The following SFT2D1 variants were observed in gnomAD, a reference collection of about 807,000 sequenced individuals.
The protein encoded by SFT2D1 is SFT2 domain containing 1, also known as vesicle transport protein SFT2A.
Under a neutral mutation model 28.1 loss-of-function variants are expected in SFT2D1, and 24 were observed. The observed-to-expected ratio is 0.85, with a 90% confidence interval of 0.62 to 1.20. SFT2D1 has a LOEUF of 1.20. Ranked by LOEUF, SFT2D1 falls within the 50% of genes most tolerant of loss-of-function variation. The pLI, the probability that SFT2D1 is intolerant of heterozygous loss-of-function variation, is 0.00. For synonymous variants in SFT2D1, 82 were observed against 73.7 expected (o/e 1.11, Z -0.58); for missense variants, 181 against 190.9 (o/e 0.95, Z 0.31).
chr6:166,335,526 G>T (rs1199502354), intron 1 of SFT2D1: 5 of 462,122 alleles, frequency 1.1e-5, no homozygotes, highest in African/African-American at 2.0e-5. Flanking sequence ...AGTAGCAACA[G>T]TAGCCATGGC....
rs1386125631 is a variant in SFT2D1, at chr6:166,322,829, AAAG to A, written c.440+25_440+27del. ...TGTGTGAAGATAAGTAAAGAACCAG[AAAG>A]AAGACAAGATTCAAACAAGCTTACC... On this transcript the variant is annotated intron_variant, in intron 7 of 7. Coordinates refer to ENST00000361731, the MANE Select transcript of SFT2D1 (RefSeq NM_145169.3). The A allele has an allele frequency of 2.5e-6, 4 of 1,592,734 alleles. No individual in the cohort carries two copies. The South Asian group carries it at 4.4e-5, about 18-fold the overall frequency.
intron 6 of SFT2D1, 153 bp downstream of exon 6, chr6:166,324,384 A>AG (rs1341422642): frequency 1.8e-5 from 11 of 626,642 alleles, no homozygotes; most frequent in Non-Finnish European, 2.5e-5. Context: ...CAAGTGCAAC[A>AG]GGACTCATCG....
In SFT2D1 at chr6:166,330,204, C is replaced by T; in HGVS notation, c.107G>A (p.Trp36Ter). 1 of 1,606,332 alleles carries T rather than the reference C, an allele frequency of 6.2e-7. No individual in the cohort carries two copies. Among genetic ancestry groups the T allele is most frequent in the Non-Finnish European group, 8.5e-7 (1 of 1,177,570 alleles). ...GCCACATACGAAGCAGATGGCAAAC[C>T]ATTTCAATCTGGTGTTGAAACTAAG... ...SSLSFNTRLK[W>*]FAICFVCGVF... is the part of the protein sequence containing the mutation. Residue 36 changes from tryptophan (W) to a stop codon, truncating the protein, a stop_gained, in exon 2 of 8, where the codon TGG becomes TAG. Coordinates refer to ENST00000361731, the MANE Select transcript of SFT2D1 (RefSeq NM_145169.3). LOFTEE classifies it high-confidence loss of function.
rs964943615 is a variant in SFT2D1 at position 166,325,646 on chromosome 6, T to G, written c.351+486A>C. On this transcript the variant is annotated intron_variant, in intron 5 of 7. Coordinates refer to ENST00000361731, the MANE Select transcript of SFT2D1 (RefSeq NM_145169.3). ...ACAGCGCACCCCTGCAGCAGCATGG[T>G]GGAGAGCACAGCCCCTGAGCCAGGG... Among the ~76,000 whole-genome samples, 15 of 152,340 alleles carry G rather than the reference T, an allele frequency of 9.8e-5. 1 individual carries two copies. The highest frequency in any genetic ancestry group is 2.0e-4 in the Admixed American group (3 of 15,308).
intron 2 of SFT2D1, 21 bp from the exon 3 acceptor site, chr6:166,329,610 T>C: frequency 6.5e-7 from 1 of 1,543,370 alleles, no homozygotes; most frequent in Non-Finnish European, 8.8e-7. Flanking sequence ...ATATTATAGT[T>C]ATTTTAAAAT....
intron 3 of SFT2D1, among the ~76,000 whole-genome samples, chr6:166,328,710 T>A (rs1778496786): frequency 6.6e-6 from 1 of 152,212 alleles, no homozygotes; most frequent in Admixed American, 6.5e-5. Context: ...GATCTTCCCC[T>A]TGGGGGATGC....
At chr6:166,320,315 C>T in intron 7 of SFT2D1, 59 bp from the exon 8 acceptor site, 1 of 1,402,492 alleles carries the variant, frequency 7.1e-7, no homozygotes, top group Non-Finnish European at 9.9e-7. Context: ...CAAAGTTGCG[C>T]AAAATGTTCC....
At chr6:166,335,833 G>A (rs577936312) in intron 1 of SFT2D1, among the ~76,000 whole-genome samples, 52 of 152,322 alleles carry the variant, frequency 3.4e-4, no homozygotes, top group African/African-American at 1.2e-3. Context: ...AGAGATTTGT[G>A]AACTCAGTCA....
Position 166,320,138 on chromosome 6 carries a change from G to T in SFT2D1, c.*79C>A. On this transcript the variant is annotated 3_prime_UTR_variant, in exon 8 of 8. Transcript: ENST00000361731. ...AACTGTCACGTCAGTTGTTCCTGGA[G>T]TGTTTTATGGGGAAAAGCAAACTTC... 1.5e-6 allele frequency: 2 copies of T among 1,345,050 alleles called. No individual in the cohort carries two copies. Among genetic ancestry groups the T allele is most frequent in the Non-Finnish European group, 2.1e-6 (2 of 945,514 alleles). The allele number at this position is 1,345,050 out of a possible 1,614,324, so 83.3% of individuals were successfully genotyped here. A position where few individuals can be genotyped will look rare whatever the true frequency, so the allele number is the denominator to read the frequency against.
chr6:166,324,713 A>G, intron 5 of SFT2D1, 118 bp from the exon 6 acceptor site: 2 of 921,200 alleles, frequency 2.2e-6, no homozygotes, highest in Non-Finnish European at 3.2e-6. Flanking sequence ...ATCTTTATTA[A>G]ATTTTAGTGT....
chr6:166,328,379 A>C (rs755757776), intron 3 of SFT2D1, 22 bp from the exon 4 acceptor site: 1 of 1,404,238 alleles, frequency 7.1e-7, no homozygotes, highest in Admixed American at 2.1e-5. Context: ...AAATAAAGTG[A>C]CTGAGGTACA....
Position 166,342,466 on chromosome 6 carries a change from G to A in SFT2D1, c.16C>T (p.Arg6Ter), listed in dbSNP as rs777381162. The A allele has an allele frequency of 1.6e-5, 25 of 1,556,170 alleles. No individual in the cohort carries two copies. The highest frequency in any genetic ancestry group is 2.0e-5 in the Non-Finnish European group (23 of 1,150,704). The stretch of plus-strand genomic sequence containing the variant: ...TCGTCGTCCTGGCCGCTCAGGACTC[G>A]CCGCAGCTTCTCCATGGCCCTGTTA... MEKLR[R>*]VLSGQDDEEQ... The change falls in exon 1 of 8, where the codon CGA becomes TGA. Residue 6 changes from arginine to a stop codon, truncating the protein, a stop_gained. Transcript: ENST00000361731. LOFTEE classifies it high-confidence loss of function.
At chr6:166,341,373 C>T (rs1002222745) in intron 1 of SFT2D1, among the ~76,000 whole-genome samples, 2 of 151,142 alleles carry the variant, frequency 1.3e-5, no homozygotes, top group Non-Finnish European at 2.9e-5. Context: ...TGCTTGAACC[C>T]GGGAGGCAGA....
chr6:166,329,627 A>G, intron 2 of SFT2D1, 38 bp from the exon 3 acceptor site: 1 of 1,476,086 alleles, frequency 6.8e-7, no homozygotes, highest in Non-Finnish European at 9.2e-7. Flanking sequence ...AAATAATTTT[A>G]TGATTTTAAT....
At chr6:166,331,537 T>G (rs973691681) in intron 1 of SFT2D1, 12 of 152,624 alleles carry the variant, frequency 7.9e-5, no homozygotes, top group African/African-American at 2.9e-4. Context: ...GTCATCTGTT[T>G]ATGGCAAAAC....
intron 7 of SFT2D1, 56 bp downstream of exon 7, chr6:166,322,801 A>G (rs952893473): frequency 7.1e-7 from 1 of 1,409,454 alleles, no homozygotes; most frequent in African/African-American, 1.4e-5. Flanking sequence ...AAATTCATAT[A>G]TTTGTGTGAA....
chr6:166,323,338 G>A (rs1778390432), intron 6 of SFT2D1: 1 of 153,444 alleles, frequency 6.5e-6, no homozygotes, highest in Admixed American at 6.5e-5. Flanking sequence ...AACATTTTAT[G>A]GTGAATTTGA....
chr6:166,335,169 TGG>T (rs1270765703), intron 1 of SFT2D1: 1 of 622,124 alleles, frequency 1.6e-6, no homozygotes, highest in African/African-American at 1.8e-5. Context: ...GAAGTGCTTC[TGG>T]AAACTTTGGT....
At chr6:166,339,639 G>A (rs774991535) in intron 1 of SFT2D1, among the ~76,000 whole-genome samples, 11 of 151,956 alleles carry the variant, frequency 7.2e-5, no homozygotes, top group Non-Finnish European at 1.6e-4. Context: ...ACCTCCACGG[G>A]TAATCTGCTC....
Sources: allele counts gnomAD v4.1 joint callset (sites outside exome capture counted in the v4.1 genomes callset), GRCh38; gene constraint gnomAD v4.1.1; transcripts MANE v1.5; gene names NCBI Gene and HGNC (gene_info 2026-07-23, HGNC 2026-07-21).